PRDM2: variants seen among roughly 807,000 people sequenced by gnomAD.
PRDM2 encodes the protein PR/SET domain 2.
A neutral mutation model predicts 130.0 loss-of-function variants in PRDM2; 30 were observed. The observed-to-expected ratio is 0.23, with a 90% confidence interval of 0.17 to 0.31. The LOEUF (loss-of-function observed/expected upper bound fraction) is 0.31. PRDM2 is among the 10% of genes least tolerant of loss of function. The pLI is 1.00. For missense variants in PRDM2, 2,011 were observed against 2,108.4 expected (o/e 0.95, Z 0.90); for synonymous variants, 871 against 782.4 (o/e 1.11, Z -1.89).
At chr1:13,815,377 G>A (rs1356856968) in intron 8 of PRDM2, among the ~76,000 whole-genome samples, 1 of 152,200 alleles carries the variant, frequency 6.6e-6, no homozygotes, top group East Asian at 1.9e-4. Context: ...CTCCCAAAGT[G>A]CTGGGATTAC....
At chr1:13,761,689 C>T (rs116783299) in intron 6 of PRDM2, among the ~76,000 whole-genome samples, 118 of 152,222 alleles carry the variant, frequency 7.8e-4, no homozygotes, top group African/African-American at 2.6e-3. Flanking sequence ...GAAGTCTCCT[C>T]TCCGAAAGAT....
intron 8 of PRDM2, among the ~76,000 whole-genome samples, chr1:13,784,919 G>C (rs1644702667): frequency 6.6e-6 from 1 of 152,216 alleles, no homozygotes; most frequent in Admixed American, 6.5e-5. Flanking sequence ...CCATAAACCT[G>C]TGATGTGTTC....
At chr1:13,795,086 C>T (rs1300046751) in intron 8 of PRDM2, among the ~76,000 whole-genome samples, 1 of 152,210 alleles carries the variant, frequency 6.6e-6, no homozygotes, top group Non-Finnish European at 1.5e-5. Flanking sequence ...ATCACCCCCT[C>T]CCTGTAACTT....
In PRDM2 at chr1:13,782,514, A is replaced by G. The variant is rs1199856063; in HGVS notation, c.4719A>G (p.Leu1573=). The change falls in exon 8 of 10, where the codon TTA becomes TTG. Residue 1573 remains leucine (L), a synonymous_variant. Transcript: ENST00000311066. ...VKSKKPSSSS[L]RNSSPIRMAK... ...CCAAAAAACCAAGCTCCTCCTCTTT[A>G]AGGAACTCCAGCCCGATAAGAATGG... 2 of 1,613,964 alleles carry G rather than the reference A, an allele frequency of 1.2e-6. No individual in the cohort carries two copies. The highest frequency in any genetic ancestry group is 1.7e-6 in the Non-Finnish European group (2 of 1,180,012).
In PRDM2 at chr1:13,779,039, G is replaced by T; in HGVS notation, c.1244G>T (p.Gly415Val). Residue 415 changes from glycine to valine, a missense_variant, in exon 8 of 10, where the codon GGG becomes GTG. Physicochemically the swap from Gly to Val is moderately radical, Grantham distance 109. This residue lies in a region of PRDM2 where 1,288 missense variants were observed against 1,237.7 expected (regional missense o/e 1.04). Coordinates refer to ENST00000311066, the MANE Select transcript of PRDM2 (RefSeq NM_001393986.1). This position sits in a 1 kb window ranked among gnomAD's most constrained non-coding sequence, Gnocchi z 4.9. Reference sequence around the variant, plus strand: ...CGACATGAGCGGCGCCATGAAGCAGGGTTAAAGCGGAAACCCAGCCAAACA... The same window carrying T: ...CGACATGAGCGGCGCCATGAAGCAGTGTTAAAGCGGAAACCCAGCCAAACA... Reference protein sequence around the residue: ...RRRHERRHEAGLKRKPSQTLQ... With the variant: ...RRRHERRHEAVLKRKPSQTLQ... The T allele has an allele frequency of 6.2e-7, 1 of 1,614,182 alleles. No individual in the cohort carries two copies. The highest frequency in any genetic ancestry group is 8.5e-7 in the Non-Finnish European group (1 of 1,180,030).
chr1:13,815,175 C>T (rs1449802379), intron 8 of PRDM2, among the ~76,000 whole-genome samples: 2 of 152,146 alleles, frequency 1.3e-5, no homozygotes, highest in African/African-American at 2.4e-5. Flanking sequence ...GGAACAATCT[C>T]GGCTCACTGC....
Position 13,749,397 on chromosome 1 carries a change from A to G in PRDM2, c.421A>G (p.Asn141Asp). The change falls in exon 6 of 10, where the codon AAT (asparagine) becomes GAT (aspartate). Residue 141 changes from asparagine to aspartate, a missense_variant. Transcript: ENST00000311066. The part of the protein sequence containing the change: ...APGEELLVWY[N>D]GEDNPEIAAA... ...GGGCGAGGAGCTCCTGGTCTGGTACAATGGGGAAGACAACCCTGAGATAGC... is the reference window on the plus strand; with the variant it reads ...GGGCGAGGAGCTCCTGGTCTGGTACGATGGGGAAGACAACCCTGAGATAGC... 1 of 1,499,392 alleles carries G rather than the reference A, an allele frequency of 6.7e-7. No individual in the cohort carries two copies. The highest frequency in any genetic ancestry group is 1.1e-5 in the South Asian group (1 of 87,944). The allele number at this position is 1,499,392 out of a possible 1,614,324, so 92.9% of individuals were successfully genotyped here.
chr1:13,790,566 A>G (rs946488940), intron 8 of PRDM2, among the ~76,000 whole-genome samples: 2 of 152,124 alleles, frequency 1.3e-5, no homozygotes, highest in African/African-American at 4.8e-5. Context: ...GGTTTGCCTC[A>G]CAAGCAGAAC....
chr1:13,779,865 G>A lies in PRDM2; in HGVS notation c.2070G>A (p.Lys690=). ...AGAAAAGTGTTTATTTGTCATCAAA[G>A]CTCAAACAACTTCTTCAAACCCAAG... The part of the protein sequence containing the change: ...HKEKSVYLSS[K]LKQLLQTQDK... Residue 690 remains lysine (K), a synonymous_variant, in exon 8 of 10, where the codon AAG becomes AAA. Coordinates refer to ENST00000311066, the MANE Select transcript of PRDM2 (RefSeq NM_001393986.1). The surrounding 1 kb of genome is among the most constrained non-coding windows in gnomAD (Gnocchi z 4.9). 1 of 1,612,824 alleles carries A rather than the reference G, an allele frequency of 6.2e-7. No homozygotes were observed. The highest frequency in any genetic ancestry group is 8.5e-7 in the Non-Finnish European group (1 of 1,179,904).
intron 6 of PRDM2, among the ~76,000 whole-genome samples, chr1:13,750,777 T>G (rs1377044634): frequency 1.5e-5 from 2 of 133,140 alleles, no homozygotes; most frequent in East Asian, 4.1e-4. Flanking sequence ...AAATTCCCAG[T>G]TTTTTTTTTT....
intron 6 of PRDM2, among the ~76,000 whole-genome samples, chr1:13,757,778 CTTTTT>C (rs34501705): frequency 7.5e-4 from 79 of 105,892 alleles, no homozygotes; most frequent in Non-Finnish European, 1.2e-3. Context: ...AGGTGGATAG[CTTTTT>C]TTTTTTTTTT....
Position 13,782,489 on chromosome 1 carries a change from C to G in PRDM2, c.4694C>G (p.Ser1565Cys). The G allele has an allele frequency of 6.2e-7, 1 of 1,614,050 alleles. No homozygotes were observed. The highest frequency in any genetic ancestry group is 8.5e-7 in the Non-Finnish European group (1 of 1,180,018). ...QNVKFAASVK[S>C]KKPSSSSLRN... Reference sequence around the variant, plus strand: ...GTCAAGTTTGCAGCTTCGGTGAAATCCAAAAAACCAAGCTCCTCCTCTTTA... The same window carrying G: ...GTCAAGTTTGCAGCTTCGGTGAAATGCAAAAAACCAAGCTCCTCCTCTTTA... The change falls in exon 8 of 10, where the codon TCC becomes TGC. Residue 1565 changes from serine to cysteine, a missense_variant. Transcript: ENST00000311066.
intron 6 of PRDM2, among the ~76,000 whole-genome samples, chr1:13,755,840 C>T (rs1461023962): frequency 4.6e-5 from 7 of 151,808 alleles, no homozygotes; most frequent in Non-Finnish European, 1.0e-4. Flanking sequence ...TTCTGTGTTG[C>T]CCAGGTTGGA....
intron 8 of PRDM2, among the ~76,000 whole-genome samples, chr1:13,786,081 G>A (rs1256054308): frequency 6.6e-6 from 1 of 151,804 alleles, no homozygotes; most frequent in African/African-American, 2.4e-5. Context: ...CTTATGATCC[G>A]CCCGTCTCGG....
At chr1:13,711,532 T>C (rs1642371450) in intron 1 of PRDM2, among the ~76,000 whole-genome samples, 1 of 152,170 alleles carries the variant, frequency 6.6e-6, no homozygotes, top group South Asian at 2.1e-4. Flanking sequence ...TAAGTGCCCA[T>C]AAGGAAAGGG....
chr1:13,774,399 C>A (rs566371844), intron 7 of PRDM2, among the ~76,000 whole-genome samples: 63 of 152,240 alleles, frequency 4.1e-4, no homozygotes, highest in African/African-American at 1.2e-3. Context: ...ATTTTGGATG[C>A]CTTTCATAAC....
At chr1:13,744,083 T>C (rs1420215643) in intron 5 of PRDM2, among the ~76,000 whole-genome samples, 1 of 152,106 alleles carries the variant, frequency 6.6e-6, no homozygotes, top group Non-Finnish European at 1.5e-5. Context: ...AGGAAGGAAG[T>C]TTTGGAGGCA....
chr1:13,794,546 A>G (rs541747378), intron 8 of PRDM2, among the ~76,000 whole-genome samples: 5 of 152,338 alleles, frequency 3.3e-5, no homozygotes, highest in Admixed American at 3.3e-4. Flanking sequence ...AGCGTAATCT[A>G]TGCAAGTTAC....
At chr1:13,764,818 C>G (rs529926626) in intron 6 of PRDM2, among the ~76,000 whole-genome samples, 2 of 152,302 alleles carry the variant, frequency 1.3e-5, no homozygotes, top group East Asian at 3.9e-4. Context: ...ATACCATGAG[C>G]TACCTAAAAC....
Sources: gnomAD v4.1 joint callset for allele counts (sites outside exome capture counted in the v4.1 genomes callset) on GRCh38, gnomAD v4.1.1 for gene constraint, gnomAD v4.1.1 regional missense constraint, Gnocchi (gnomAD v3.1) non-coding constraint, MANE v1.5 for transcripts, NCBI Gene and HGNC (gene_info 2026-07-23, HGNC 2026-07-21) for gene names.